Variants in LRBA observed in about 807,000 individuals in gnomAD.
LRBA encodes LPS responsive beige-like anchor protein.
Under a neutral mutation model 330.0 loss-of-function variants are expected in LRBA, and 176 were observed. That is an observed-to-expected ratio of 0.53 (90% CI 0.47 to 0.60). The LOEUF (loss-of-function observed/expected upper bound fraction) is 0.60, where lower values mean the gene tolerates loss of function less well. LRBA is among the 20% of genes least tolerant of loss of function. The pLI is 0.00. For synonymous variants in LRBA, 1,230 were observed against 1,193.0 expected (o/e 1.03, Z -0.64); for missense variants, 3,259 against 3,444.8 (o/e 0.95, Z 1.35).
intron 2 of LRBA, among the ~76,000 whole-genome samples, chr4:150,992,942 G>C (rs1742259324): frequency 6.6e-6 from 1 of 152,102 alleles, no homozygotes; most frequent in Non-Finnish European, 1.5e-5. Context: ...CAAAACCTCA[G>C]CAAAGTTTTT....
At position 150,583,493 on chromosome 4, in the gene LRBA, C is replaced by T; in HGVS notation, c.6330+4555G>A. 6.2e-7 allele frequency: 1 copy of T among 1,613,972 alleles called. No homozygotes were observed. The highest frequency in any genetic ancestry group is 8.5e-7 in the Non-Finnish European group (1 of 1,180,036). On this transcript the variant is annotated intron_variant, in intron 40 of 56. Coordinates refer to ENST00000651943, the MANE Select transcript of LRBA (RefSeq NM_001364905.1). The surrounding 1 kb of genome is among the most constrained non-coding windows in gnomAD (Gnocchi z 9.8). ...GATGTGGTCAAGATGATCGCGGACA[C>T]CAGCGAGGTCAAGTTGCGCATCAGG...
At chr4:150,318,454 A>G (rs1167274653) in intron 50 of LRBA, among the ~76,000 whole-genome samples, 1 of 152,206 alleles carries the variant, frequency 6.6e-6, no homozygotes, top group Non-Finnish European at 1.5e-5. Flanking sequence ...AATTAAAAAA[A>G]TAAATATTGT....
At position 150,628,829 on chromosome 4, in the gene LRBA, T is replaced by C. The variant is rs1366309296; in HGVS notation, c.5922-29698A>G. ...AATGTCATTTCAAAAACTCATATCA[T>C]GTTGGCTAATCAACACTAAGTTTTA... is the stretch of plus-strand genomic sequence containing the variant. On this transcript the variant is annotated intron_variant, in intron 37 of 56. Transcript: ENST00000651943. Among the ~76,000 whole-genome samples, 3 of 152,226 alleles carry C rather than the reference T, an allele frequency of 2.0e-5. 1 individual carries two copies. In the South Asian group the frequency reaches 6.2e-4, roughly 31 times the overall value.
intron 22 of LRBA, among the ~76,000 whole-genome samples, chr4:150,859,518 A>T (rs1751639058): frequency 6.6e-6 from 1 of 152,214 alleles, no homozygotes; most frequent in Non-Finnish European, 1.5e-5. Context: ...AAGACAATGA[A>T]ATCACAAACG....
chr4:150,909,953 A>G (rs921561210), intron 9 of LRBA, among the ~76,000 whole-genome samples: 1 of 152,156 alleles, frequency 6.6e-6, no homozygotes, highest in African/African-American at 2.4e-5. Context: ...CTATTTTTAT[A>G]TCTTCTTTAA....
chr4:150,704,886 A>C (rs542278389), intron 36 of LRBA, among the ~76,000 whole-genome samples: 1 of 152,294 alleles, frequency 6.6e-6, no homozygotes, highest in African/African-American at 2.4e-5. Context: ...AGAATATGTG[A>C]CTCAAAGTCA....
chr4:150,841,627 T>C (rs11946812), intron 28 of LRBA, among the ~76,000 whole-genome samples: 1 of 151,200 alleles, frequency 6.6e-6, no homozygotes, highest in Non-Finnish European at 1.5e-5. Flanking sequence ...GTCATTTCCC[T>C]TTTTTTTTCT....
intron 2 of LRBA, among the ~76,000 whole-genome samples, chr4:151,003,072 G>GTGTGTGTA (rs1491097875): frequency 8.7e-5 from 12 of 138,014 alleles, no homozygotes; most frequent in African/African-American, 3.1e-4. Flanking sequence ...GTGTGTGTGT[G>GTGTGTGTA]TACCAACATC....
intron 35 of LRBA, among the ~76,000 whole-genome samples, chr4:150,741,934 TA>T (rs2127166461): frequency 6.6e-6 from 1 of 152,140 alleles, no homozygotes; most frequent in African/African-American, 2.4e-5. Flanking sequence ...AATATTTTAA[TA>T]AAATGTCTTA....
rs918358364 is a variant in LRBA at position 150,438,007 on chromosome 4, G to A, written c.6781-1143C>T. On this transcript the variant is annotated intron_variant, in intron 44 of 56. Transcript: ENST00000651943. ...TGCATGTACATATCCTTACAAAGAC[G>A]TAGAGAATATGCTTGAGAGTCTCAA... is the stretch of plus-strand genomic sequence containing the variant. Among the ~76,000 whole-genome samples the A allele has an allele frequency of 1.2e-4, 18 of 152,290 alleles. No individual in the cohort carries two copies. In the South Asian group the frequency reaches 1.9e-3, roughly 16 times the overall value.
intron 38 of LRBA, among the ~76,000 whole-genome samples, chr4:150,595,358 ATCTGGC>A (rs1456208031): frequency 6.6e-6 from 1 of 151,994 alleles, no homozygotes; most frequent in Non-Finnish European, 1.5e-5. Flanking sequence ...AAGCAACAGT[ATCTGGC>A]ATTATTGAAG....
chr4:150,316,087 G>A (rs1731686252), intron 50 of LRBA, among the ~76,000 whole-genome samples: 1 of 152,098 alleles, frequency 6.6e-6, no homozygotes, highest in Non-Finnish European at 1.5e-5. Flanking sequence ...AACATTTAGT[G>A]TTTCATCCAT....
chr4:150,265,921 A>T, intron 56 of LRBA, 109 bp from the exon 57 acceptor site: 1 of 707,390 alleles, frequency 1.4e-6, no homozygotes. Context: ...CTGGCAGTGA[A>T]GGCTCCAATT....
chr4:150,304,899 T>C (rs1216677641), intron 52 of LRBA, among the ~76,000 whole-genome samples: 1 of 152,154 alleles, frequency 6.6e-6, no homozygotes. Context: ...CTGAAAGAAA[T>C]ACATCATATA....
chr4:150,541,959 C>T (rs990943737), intron 40 of LRBA, among the ~76,000 whole-genome samples: 16 of 152,088 alleles, frequency 1.1e-4, no homozygotes, highest in Admixed American at 2.0e-4. Context: ...GATTTAAAGA[C>T]AGAAATACCT....
chr4:150,679,524 T>G (rs1470879829), intron 37 of LRBA: 1 of 152,130 alleles, frequency 6.6e-6, no homozygotes, highest in Non-Finnish European at 1.5e-5. Flanking sequence ...GCATTCATCT[T>G]TCTGAAAGAA....
At chr4:150,603,500 T>C (rs1774323836) in intron 37 of LRBA, among the ~76,000 whole-genome samples, 1 of 152,152 alleles carries the variant, frequency 6.6e-6, no homozygotes, top group African/African-American at 2.4e-5. Context: ...TTGTTGTTGT[T>C]TTTTAAGATG....
intron 47 of LRBA, among the ~76,000 whole-genome samples, chr4:150,405,604 C>T (rs184765311): frequency 2.5e-4 from 38 of 151,868 alleles, no homozygotes; most frequent in Middle Eastern, 6.8e-3. Context: ...TCATATAACA[C>T]AACATTTATA....
chr4:150,481,023 G>A (rs1406569530), intron 42 of LRBA, among the ~76,000 whole-genome samples: 1 of 152,040 alleles, frequency 6.6e-6, no homozygotes, highest in African/African-American at 2.4e-5. Context: ...AGTATCCACT[G>A]TTCTACTTTT....
Sources: allele counts gnomAD v4.1 joint callset (sites outside exome capture counted in the v4.1 genomes callset), GRCh38; gene constraint gnomAD v4.1.1; non-coding constraint Gnocchi (gnomAD v3.1); transcripts MANE v1.5; gene names NCBI Gene and HGNC (gene_info 2026-07-23, HGNC 2026-07-21).